The following VAV3 variants were observed in gnomAD, a reference collection of about 807,000 sequenced individuals.
The protein encoded by VAV3 is vav guanine nucleotide exchange factor 3.
VAV3 carries 94 observed loss-of-function variants against 131.2 expected under a neutral mutation model. That is an observed-to-expected ratio of 0.72 (90% CI 0.61 to 0.85). The LOEUF is 0.85. Ranked by LOEUF, VAV3 falls within the 40% of genes least tolerant of loss-of-function variation. The pLI is 0.00. For synonymous variants in VAV3, 349 were observed against 342.0 expected, an observed-to-expected ratio of 1.02 and a Z score of -0.22; for missense variants, 939 against 1,002.7, an observed-to-expected ratio of 0.94 and a Z score of 0.86.
chr1:107,651,190 A>G (rs1006874610), intron 19 of VAV3, among the ~76,000 whole-genome samples: 1 of 152,156 alleles, frequency 6.6e-6, no homozygotes, highest in African/African-American at 2.4e-5. Context: ...TAGATTTCTT[A>G]GACTCCAGAA....
At chr1:107,848,645 T>A (rs1431064661) in intron 2 of VAV3, among the ~76,000 whole-genome samples, 1 of 152,072 alleles carries the variant, frequency 6.6e-6, no homozygotes, top group Middle Eastern at 3.2e-3. Flanking sequence ...CTGGAAGCAT[T>A]CCCTTTGAAA....
chr1:107,863,367 C>A (rs1275549559), intron 2 of VAV3, among the ~76,000 whole-genome samples: 5 of 152,180 alleles, frequency 3.3e-5, no homozygotes, highest in African/African-American at 1.2e-4. Context: ...TTACAATTAT[C>A]CACTACAGCC....
At chr1:107,765,778 T>C (rs539847966) in intron 8 of VAV3, among the ~76,000 whole-genome samples, 1 of 152,306 alleles carries the variant, frequency 6.6e-6, no homozygotes, top group Admixed American at 6.5e-5. Flanking sequence ...AGTTGGTTTA[T>C]TGCTTCTCTT....
intron 15 of VAV3, among the ~76,000 whole-genome samples, chr1:107,715,051 G>C (rs898136928): frequency 6.6e-6 from 1 of 151,914 alleles, no homozygotes; most frequent in South Asian, 2.1e-4. Flanking sequence ...CTGTAATTTA[G>C]GTTTATGTTT....
At chr1:107,777,416 T>C (rs1409921732) in intron 3 of VAV3, 120 bp from the exon 4 acceptor site, 2 of 845,808 alleles carry the variant, frequency 2.4e-6, no homozygotes, top group Non-Finnish European at 3.8e-6. Flanking sequence ...AATGGTCAGA[T>C]CAGTCACCAT....
chr1:107,670,810 T>C (rs1250961191), intron 19 of VAV3, among the ~76,000 whole-genome samples: 2 of 152,234 alleles, frequency 1.3e-5, no homozygotes, highest in East Asian at 3.9e-4. Flanking sequence ...GAGTTGAAAA[T>C]ACATCATATG....
intron 1 of VAV3, among the ~76,000 whole-genome samples, chr1:107,876,901 A>G (rs886491262): frequency 6.6e-6 from 1 of 152,116 alleles, no homozygotes; most frequent in Non-Finnish European, 1.5e-5. Context: ...TGCTTTTTTA[A>G]AAGTGTTGCC....
At chr1:107,880,911 T>C (rs1013382951) in intron 1 of VAV3, among the ~76,000 whole-genome samples, 3 of 152,216 alleles carry the variant, frequency 2.0e-5, no homozygotes, top group Non-Finnish European at 4.4e-5. Flanking sequence ...TCAAGCTCTA[T>C]GCTAAATGTT....
At chr1:107,716,236 A>G (rs1450341934) in intron 15 of VAV3, among the ~76,000 whole-genome samples, 1 of 152,218 alleles carries the variant, frequency 6.6e-6, no homozygotes, top group East Asian at 1.9e-4. Context: ...CTCTTCAGAA[A>G]AAGAACTTTA....
chr1:107,863,385 C>G (rs76410394), intron 2 of VAV3, among the ~76,000 whole-genome samples: 2,359 of 152,318 alleles, frequency 0.015, 46 homozygotes, highest in African/African-American at 0.044. Context: ...GCCTCCCCCA[C>G]TGACAGAATG....
chr1:107,669,279 T>C lies in VAV3; in HGVS notation c.1777+14209A>G. The C allele has an allele frequency of 2.3e-6, 3 of 1,281,674 alleles. 1 individual carries two copies. Among genetic ancestry groups the C allele is most frequent in the Non-Finnish European group, 3.0e-6 (3 of 986,612 alleles). The allele number at this position is 1,281,674 out of a possible 1,614,324, so 79.4% of individuals were successfully genotyped here. Reference sequence around the variant, plus strand: ...AGGATCTCTTCTTTATCCTTCGCTGTGTAAGTGGGGACAAAAAGAGCTACC... The same window carrying C: ...AGGATCTCTTCTTTATCCTTCGCTGCGTAAGTGGGGACAAAAAGAGCTACC... On this transcript the variant is annotated intron_variant, in intron 19 of 26. Coordinates refer to ENST00000370056, the MANE Select transcript of VAV3 (RefSeq NM_006113.5).
At chr1:107,595,848 C>T (rs569252710) in intron 25 of VAV3, among the ~76,000 whole-genome samples, 1 of 152,234 alleles carries the variant, frequency 6.6e-6, no homozygotes, top group Admixed American at 6.5e-5. Context: ...TGTGTACCAG[C>T]CCTGCTTAAA....
chr1:107,580,911 T>A (rs1234867745), intron 25 of VAV3, among the ~76,000 whole-genome samples: 1 of 152,172 alleles, frequency 6.6e-6, no homozygotes, highest in Non-Finnish European at 1.5e-5. Context: ...AAACTCCTCC[T>A]ACCACACCAA....
chr1:107,893,461 T>A (rs1231599114), intron 1 of VAV3, among the ~76,000 whole-genome samples: 1 of 152,162 alleles, frequency 6.6e-6, no homozygotes, highest in Non-Finnish European at 1.5e-5. Flanking sequence ...GACTGGGTAA[T>A]TTATACAGGA....
intron 1 of VAV3, among the ~76,000 whole-genome samples, chr1:107,928,071 G>C (rs1042597441): frequency 6.6e-6 from 1 of 152,184 alleles, no homozygotes; most frequent in Non-Finnish European, 1.5e-5. Context: ...AGAACAGAAA[G>C]AGAAACTCTA....
At chr1:107,709,192 G>T (rs1482896271) in intron 15 of VAV3, among the ~76,000 whole-genome samples, 1 of 152,212 alleles carries the variant, frequency 6.6e-6, no homozygotes, top group African/African-American at 2.4e-5. Context: ...AAAAGTACTT[G>T]TAAGTCCGCC....
At chr1:107,611,092 T>A (rs947974465) in intron 21 of VAV3, among the ~76,000 whole-genome samples, 1 of 152,282 alleles carries the variant, frequency 6.6e-6, no homozygotes, top group East Asian at 1.9e-4. Flanking sequence ...ATTTTGGATT[T>A]AAAAAAATTA....
At chr1:107,863,164 AC>A (rs1443972778) in intron 2 of VAV3, among the ~76,000 whole-genome samples, 1 of 152,014 alleles carries the variant, frequency 6.6e-6, no homozygotes, top group Non-Finnish European at 1.5e-5. Flanking sequence ...CTTGCAATAA[AC>A]CCTACTTTTC....
chr1:107,813,967 AGTGTGTGTGTGT>A (rs58318688), intron 2 of VAV3, among the ~76,000 whole-genome samples: 1,906 of 135,856 alleles, frequency 0.014, 20 homozygotes, highest in African/African-American at 0.022. Flanking sequence ...ATAGTACTCC[AGTGTGTGTGTGT>A]GTGTGTGTGT....
Sources: gnomAD v4.1 joint callset for allele counts (sites outside exome capture counted in the v4.1 genomes callset) on GRCh38, gnomAD v4.1.1 for gene constraint, MANE v1.5 for transcripts, NCBI Gene and HGNC (gene_info 2026-07-23, HGNC 2026-07-21) for gene names.